ANKRD7: variants seen among roughly 807,000 people sequenced by gnomAD.
ANKRD7 encodes ankyrin repeat domain-containing protein 7.
A neutral mutation model predicts 30.8 loss-of-function variants in ANKRD7; 30 were observed. The ratio of observed to expected loss-of-function variants is 0.97; its 90% confidence interval spans 0.73 to 1.32. The LOEUF (loss-of-function observed/expected upper bound fraction) is 1.32. Among genes scored for constraint, ANKRD7 ranks in the 40% most tolerant of loss-of-function variants. The pLI, the probability that ANKRD7 is intolerant of heterozygous loss-of-function variation, is 0.00. For missense variants in ANKRD7, 264 were observed against 295.7 expected, an observed-to-expected ratio of 0.89 and a Z score of 0.79; for synonymous variants, 97 against 106.6, an observed-to-expected ratio of 0.91 and a Z score of 0.55.
At chr7:118,225,577 C>T (rs1324484654) in intron 1 of ANKRD7, among the ~76,000 whole-genome samples, 1 of 152,036 alleles carries the variant, frequency 6.6e-6, no homozygotes, top group African/African-American at 2.4e-5. Flanking sequence ...CACTGGCAGT[C>T]CATCTTTTCC....
chr7:118,238,367 C>T (rs1185519518), intron 5 of ANKRD7, among the ~76,000 whole-genome samples: 1 of 151,776 alleles, frequency 6.6e-6, no homozygotes. Context: ...AAGCAATTAC[C>T]TCTGGGATGT....
intron 1 of ANKRD7, among the ~76,000 whole-genome samples, chr7:118,231,964 T>G (rs969844992): frequency 6.6e-6 from 1 of 152,148 alleles, no homozygotes; most frequent in Non-Finnish European, 1.5e-5. Flanking sequence ...ATTGGGAGTA[T>G]AATGTATTCA....
At chr7:118,237,512 C>T (rs1300154565) in intron 5 of ANKRD7, among the ~76,000 whole-genome samples, 1 of 152,008 alleles carries the variant, frequency 6.6e-6, no homozygotes, top group Non-Finnish European at 1.5e-5. Context: ...ACTTAATTTA[C>T]AGCTTAATGA....
chr7:118,239,380 T>C (rs1027346242), intron 5 of ANKRD7, among the ~76,000 whole-genome samples: 1 of 152,160 alleles, frequency 6.6e-6, no homozygotes, highest in East Asian at 1.9e-4. Flanking sequence ...CCTGTCCCCC[T>C]ACTTCTGTGG....
intron 5 of ANKRD7, 83 bp from the exon 6 acceptor site, chr7:118,239,826 T>C (rs1584727173): frequency 2.4e-6 from 2 of 826,052 alleles, no homozygotes; most frequent in Non-Finnish European, 3.7e-6. Context: ...CATTGGCTGG[T>C]ACCTAAGGTT....
chr7:118,237,135 C>G (rs946781049), intron 5 of ANKRD7, among the ~76,000 whole-genome samples: 1 of 152,102 alleles, frequency 6.6e-6, no homozygotes, highest in African/African-American at 2.4e-5. Context: ...CTACCAGAGG[C>G]AGGAGCATTG....
At chr7:118,225,152 G>A in intron 1 of ANKRD7, 143 bp downstream of exon 1, 1 of 961,132 alleles carries the variant, frequency 1.0e-6, no homozygotes, top group Non-Finnish European at 1.5e-6. Context: ...ACCATTGGCA[G>A]AGGGTCCCAC....
intron 1 of ANKRD7, among the ~76,000 whole-genome samples, chr7:118,231,023 T>C (rs1809628847): frequency 6.6e-6 from 1 of 151,964 alleles, no homozygotes; most frequent in Non-Finnish European, 1.5e-5. Context: ...CATAAGCAGA[T>C]TGTTCAGGAA....
intron 6 of ANKRD7, among the ~76,000 whole-genome samples, chr7:118,241,372 T>A (rs1472799645): frequency 6.6e-6 from 1 of 151,466 alleles, no homozygotes; most frequent in Non-Finnish European, 1.5e-5. Flanking sequence ...AGAAGGAGTG[T>A]GGAGGCAATA....
chr7:118,239,989 C>T lies in ANKRD7; in HGVS notation c.*28C>T, dbSNP rs1412882727. The T allele has an allele frequency of 1.3e-6, 2 of 1,513,852 alleles. No individual in the cohort carries two copies. Among genetic ancestry groups the T allele is most frequent in the Non-Finnish European group, 1.8e-6 (2 of 1,122,028 alleles). The allele number at this position is 1,513,852 out of a possible 1,614,324, so 93.8% of individuals were successfully genotyped here. A position where few individuals can be genotyped will look rare whatever the true frequency, so the allele number is the denominator to read the frequency against. ...ACCTTATTCTTGGCACTACATGTGA[C>T]TAAAGGAAGGTAAGATTGCTAACTG... On this transcript the variant is annotated 3_prime_UTR_variant, in exon 6 of 7. Coordinates refer to ENST00000265224, the MANE Select transcript of ANKRD7 (RefSeq NM_019644.4).
chr7:118,242,195 AAG>A (rs1409540971), intron 6 of ANKRD7, among the ~76,000 whole-genome samples, 152 bp from the exon 7 acceptor site: 1 of 152,242 alleles, frequency 6.6e-6, no homozygotes, highest in Non-Finnish European at 1.5e-5. Flanking sequence ...TCAAATTCAA[AAG>A]AGACTACTTA....
intron 1 of ANKRD7, among the ~76,000 whole-genome samples, chr7:118,232,509 A>AAG (rs1288966350): frequency 2.6e-5 from 4 of 152,116 alleles, no homozygotes; most frequent in African/African-American, 9.7e-5. Flanking sequence ...TGAAAGTGGA[A>AAG]TCTTTCATGG....
intron 1 of ANKRD7, among the ~76,000 whole-genome samples, chr7:118,232,720 TTGTGTGTGTGTGTG>T (rs3061652): frequency 4.8e-5 from 7 of 146,016 alleles, no homozygotes; most frequent in African/African-American, 1.7e-4. Context: ...AGCAGTGTGT[TTGTGTGTGTGTGTG>T]TGTGTGTGTG....
At chr7:118,241,262 A>T (rs1367818302) in intron 6 of ANKRD7, among the ~76,000 whole-genome samples, 2 of 150,764 alleles carry the variant, frequency 1.3e-5, no homozygotes, top group Admixed American at 1.3e-4. Flanking sequence ...TTGTTGGATG[A>T]GAGAAAAACT....
At chr7:118,236,196 T>TTGTGTGTG in intron 4 of ANKRD7, 49 bp downstream of exon 4, 5 of 993,502 alleles carry the variant, frequency 5.0e-6, no homozygotes, top group East Asian at 2.8e-5. Flanking sequence ...CCTGATAGGA[T>TTGTGTGTG]TGTGTGTGTG....
At chr7:118,232,518 G>C (rs1809659959) in intron 1 of ANKRD7, among the ~76,000 whole-genome samples, 1 of 151,932 alleles carries the variant, frequency 6.6e-6, no homozygotes. Flanking sequence ...AATCTTTCAT[G>C]GCTATTTTAT....
chr7:118,241,521 C>CTT lies in ANKRD7; in HGVS notation c.*38-801_*38-800dup, dbSNP rs3061682. On this transcript the variant is annotated intron_variant, in intron 6 of 6. Transcript: ENST00000265224. ...TTAGGGGAGAATTTCTCTGAATTAC[C>CTT]TTTTTTTTTTTTTTTTTTTTTTTTT... Among the ~76,000 whole-genome samples, 87 of 84,544 alleles carry CTT rather than the reference C, an allele frequency of 1.0e-3. 6 individuals carry two copies. Among genetic ancestry groups the CTT allele is most frequent in the Non-Finnish European group, 1.7e-3 (72 of 43,354 alleles). 55.5% of individuals were successfully genotyped at this position (84,544 alleles called of 152,430 possible).
chr7:118,234,298 A>G (rs6949259), intron 1 of ANKRD7, 133 bp from the exon 2 acceptor site: 2 of 465,370 alleles, frequency 4.3e-6, no homozygotes, highest in East Asian at 6.7e-5. Flanking sequence ...ATTAATGTAC[A>G]TTTGTTTAAA....
At chr7:118,240,623 C>T (rs1242047625) in intron 6 of ANKRD7, among the ~76,000 whole-genome samples, 1 of 151,844 alleles carries the variant, frequency 6.6e-6, no homozygotes, top group Non-Finnish European at 1.5e-5. Flanking sequence ...TTTTTTAACC[C>T]ATTGTCTCAT....
Sources: gnomAD v4.1 joint callset for allele counts (sites outside exome capture counted in the v4.1 genomes callset) on GRCh38, gnomAD v4.1.1 for gene constraint, MANE v1.5 for transcripts, NCBI Gene and HGNC (gene_info 2026-07-23, HGNC 2026-07-21) for gene names.